Variants in CD1B observed in about 807,000 individuals in gnomAD.
The protein encoded by CD1B is T-cell surface glycoprotein CD1b.
A neutral mutation model predicts 39.8 loss-of-function variants in CD1B; 43 were observed. The ratio of observed to expected loss-of-function variants is 1.08; its 90% CI spans 0.85 to 1.39. The LOEUF (loss-of-function observed/expected upper bound fraction) is 1.39. Ranked by LOEUF, CD1B falls within the 40% of genes most tolerant of loss-of-function variation. The pLI, the probability that CD1B is intolerant of heterozygous loss-of-function variation, is 0.00. For synonymous variants in CD1B, 192 were observed against 152.5 expected (o/e 1.26, Z -1.91); for missense variants, 495 against 403.8 (o/e 1.23, Z -1.94).
the CD1B span, chr1:158,291,450 A>G: frequency 1.3e-5 from 21 of 1,579,046 alleles, no homozygotes; most frequent in East Asian, 3.1e-4. Context: ...GTTCTATTTC[A>G]GGGAAATATT....
the CD1B span, chr1:158,291,276 G>A: frequency 2.5e-6 from 4 of 1,614,058 alleles, no homozygotes; most frequent in Non-Finnish European, 3.4e-6. Context: ...TAATTTTCCT[G>A]CATAACTGGT....
chr1:158,325,209 T>A (rs916401457), downstream of CD1B, among the ~76,000 whole-genome samples: 4 of 152,174 alleles, frequency 2.6e-5, no homozygotes, highest in Non-Finnish European at 4.4e-5. Context: ...TCATAAGATA[T>A]GACCCAGGGC....
the CD1B span, chr1:158,292,208 A>G: frequency 6.2e-7 from 1 of 1,614,088 alleles, no homozygotes; most frequent in African/African-American, 1.3e-5. Flanking sequence ...CATGGGTGCC[A>G]TCTCCAGGCT....
the CD1B span, among the ~76,000 whole-genome samples, chr1:158,320,160 C>T: frequency 9.8e-5 from 15 of 152,332 alleles, no homozygotes; most frequent in Middle Eastern, 3.4e-3. Flanking sequence ...GGCAGGCAGG[C>T]CTCCTTGAGC....
the CD1B span, among the ~76,000 whole-genome samples, chr1:158,316,647 A>T: frequency 8.1e-3 from 1,227 of 150,760 alleles, 17 homozygotes; most frequent in Middle Eastern, 0.021. Context: ...AATACCCTTT[A>T]TTTCCTTCTC....
At chr1:158,329,672 A>T (rs1229743092) in intron 3 of CD1B, 24 bp from the exon 4 acceptor site, 13 of 1,607,536 alleles carry the variant, frequency 8.1e-6, no homozygotes, top group Non-Finnish European at 1.0e-5. Context: ...GAGAAAAAAA[A>T]GTGTCATGTT....
At chr1:158,316,021 C>T in the CD1B span, among the ~76,000 whole-genome samples, 7 of 151,976 alleles carry the variant, frequency 4.6e-5, no homozygotes, top group Non-Finnish European at 1.0e-4. Flanking sequence ...ATCTATATCT[C>T]TGTTTTGGTT....
At chr1:158,316,660 G>A in the CD1B span, among the ~76,000 whole-genome samples, 1 of 150,648 alleles carries the variant, frequency 6.6e-6, no homozygotes, top group Admixed American at 6.6e-5. Flanking sequence ...TCCTTCTCCT[G>A]CCTAATTGCC....
chr1:158,309,018 A>T, the CD1B span, among the ~76,000 whole-genome samples: 1 of 152,210 alleles, frequency 6.6e-6, no homozygotes, highest in Non-Finnish European at 1.5e-5. Flanking sequence ...GCACAGCAAA[A>T]GAAACTACCA....
the CD1B span, among the ~76,000 whole-genome samples, chr1:158,319,995 C>T: frequency 5.9e-5 from 9 of 152,166 alleles, no homozygotes; most frequent in Non-Finnish European, 7.3e-5. Flanking sequence ...GTCAGGGACC[C>T]GCTTGAGGAG....
At chr1:158,315,249 C>T in the CD1B span, among the ~76,000 whole-genome samples, 8 of 152,146 alleles carry the variant, frequency 5.3e-5, no homozygotes, top group Admixed American at 6.5e-5. Flanking sequence ...TCCACAATGG[C>T]TGAACTAGTT....
the CD1B span, among the ~76,000 whole-genome samples, chr1:158,311,050 C>A: frequency 6.6e-6 from 1 of 152,048 alleles, no homozygotes; most frequent in Non-Finnish European, 1.5e-5. Context: ...GCTGCCGAAC[C>A]TAAAATAAGA....
At chr1:158,293,203 T>C in the CD1B span, 25 of 1,601,330 alleles carry the variant, frequency 1.6e-5, no homozygotes, top group Non-Finnish European at 2.6e-6. Context: ...ATCTTTCCAA[T>C]ATGTGCAGGA....
chr1:158,316,719 C>A, the CD1B span, among the ~76,000 whole-genome samples: 1 of 151,020 alleles, frequency 6.6e-6, no homozygotes, highest in African/African-American at 2.5e-5. Flanking sequence ...TGAGAGAGGG[C>A]ATCCTTGTCT....
chr1:158,330,559 G>T, intron 2 of CD1B: 1 of 684,878 alleles, frequency 1.5e-6, no homozygotes, highest in Non-Finnish European at 2.7e-6. Flanking sequence ...CAAACCAGCA[G>T]CTGGTTACAA....
At position 158,329,866 on chromosome 1, in the gene CD1B, T is replaced by A; in HGVS notation, c.593A>T (p.Asp198Val). Residue 198 changes from aspartate (D) to valine (V), a missense_variant, in exon 3 of 6, where the codon GAT becomes GTT. By Grantham distance (152) the Asp-to-Val change is radical (BLOSUM62 -3). Coordinates refer to ENST00000368168, the MANE Select transcript of CD1B (RefSeq NM_001764.3). ...GCAGGACTAACCTTGTCTTTGCAGA[T>A]CTGCTTTTCCTGCATTGAGGACGCC... is the stretch of plus-strand genomic sequence containing the variant. ...LLGVLNAGKA[D>V]LQRQVKPEAW... The A allele has an allele frequency of 3.1e-6, 5 of 1,613,672 alleles. No homozygotes were observed. Among genetic ancestry groups the A allele is most frequent in the Non-Finnish European group, 4.2e-6 (5 of 1,179,770 alleles).
downstream of CD1B, among the ~76,000 whole-genome samples, chr1:158,324,188 T>G (rs755275229): frequency 6.6e-6 from 1 of 152,188 alleles, no homozygotes; most frequent in African/African-American, 2.4e-5. Context: ...AAGACAAAAT[T>G]GGAGTGTAGC....
the CD1B span, among the ~76,000 whole-genome samples, chr1:158,307,966 T>A: frequency 1.4e-3 from 207 of 152,272 alleles, 1 homozygote; most frequent in South Asian, 5.6e-3. Flanking sequence ...TTCAACATAG[T>A]GTTGGAAGTT....
chr1:158,319,925 G>A, the CD1B span, among the ~76,000 whole-genome samples: 1 of 151,966 alleles, frequency 6.6e-6, no homozygotes, highest in Non-Finnish European at 1.5e-5. Context: ...CCTGCCGTGT[G>A]AGGTGTCAGT....
Sources: gnomAD v4.1 joint callset for allele counts (sites outside exome capture counted in the v4.1 genomes callset) on GRCh38, gnomAD v4.1.1 for gene constraint, MANE v1.5 for transcripts, NCBI Gene and HGNC (gene_info 2026-07-23, HGNC 2026-07-21) for gene names.